The following TMEFF2 variants were observed in gnomAD, a reference collection of about 807,000 sequenced individuals.
The protein encoded by TMEFF2 is tomoregulin-2.
In TMEFF2, 28 loss-of-function variants were observed where a neutral mutation model predicts 53.8. The observed-to-expected ratio is 0.52, with a 90% CI of 0.39 to 0.71. The LOEUF is 0.71. Among genes scored for constraint, TMEFF2 ranks in the 30% least tolerant of loss-of-function variants. The pLI, the probability that TMEFF2 is intolerant of heterozygous loss-of-function variation, is 0.00. For synonymous variants in TMEFF2, 162 were observed against 166.3 expected, an observed-to-expected ratio of 0.97 and a Z score of 0.20; for missense variants, 353 against 455.2, an observed-to-expected ratio of 0.78 and a Z score of 2.04.
chr2:192,114,467 G>GA (rs112084685), intron 4 of TMEFF2, among the ~76,000 whole-genome samples: 2 of 149,438 alleles, frequency 1.3e-5, no homozygotes, highest in Admixed American at 1.3e-4. Context: ...CCAAGGAAAA[G>GA]AAAAAAAAAG....
At chr2:192,056,887 G>T (rs966171503) in intron 5 of TMEFF2, among the ~76,000 whole-genome samples, 7 of 152,112 alleles carry the variant, frequency 4.6e-5, no homozygotes, top group Non-Finnish European at 1.0e-4. Flanking sequence ...AAGAGAAAGT[G>T]AGCTCTTATC....
chr2:192,144,835 CTT>C (rs1304266779), intron 4 of TMEFF2, among the ~76,000 whole-genome samples: 1 of 151,928 alleles, frequency 6.6e-6, no homozygotes, highest in African/African-American at 2.4e-5. Flanking sequence ...TCATATCTAA[CTT>C]GACTTAGTAG....
At chr2:192,035,783 G>C (rs1687276130) in intron 5 of TMEFF2, among the ~76,000 whole-genome samples, 1 of 152,044 alleles carries the variant, frequency 6.6e-6, no homozygotes, top group Admixed American at 6.6e-5. Flanking sequence ...CATTCTACTT[G>C]GTTCTGCCTT....
intron 7 of TMEFF2, among the ~76,000 whole-genome samples, chr2:191,980,868 T>C (rs1685837285): frequency 6.6e-6 from 1 of 152,180 alleles, no homozygotes; most frequent in Non-Finnish European, 1.5e-5. Context: ...ACCTTCGTAT[T>C]TTTCCTGACT....
intron 4 of TMEFF2, among the ~76,000 whole-genome samples, chr2:192,084,968 A>G (rs1272765810): frequency 6.6e-6 from 1 of 152,170 alleles, no homozygotes; most frequent in Non-Finnish European, 1.5e-5. Context: ...TTCTTTAAAT[A>G]TTTTAAACTG....
chr2:192,162,395 T>C (rs1015206197), intron 4 of TMEFF2, among the ~76,000 whole-genome samples: 4 of 152,164 alleles, frequency 2.6e-5, no homozygotes, highest in African/African-American at 4.8e-5. Flanking sequence ...TCTGAAAACA[T>C]CAACCACAGC....
intron 4 of TMEFF2, among the ~76,000 whole-genome samples, chr2:192,059,479 A>C (rs1028237470): frequency 2.6e-5 from 4 of 152,166 alleles, no homozygotes; most frequent in African/African-American, 9.6e-5. Context: ...TTATTAATGC[A>C]ACACAGAAGC....
intron 7 of TMEFF2, among the ~76,000 whole-genome samples, chr2:191,997,044 G>C (rs1686239769): frequency 6.6e-6 from 1 of 151,928 alleles, no homozygotes; most frequent in African/African-American, 2.4e-5. Context: ...GCTGTGAGAA[G>C]TTCTGGGTAG....
chr2:192,007,421 G>A (rs1353836447), intron 5 of TMEFF2, among the ~76,000 whole-genome samples: 1 of 152,176 alleles, frequency 6.6e-6, no homozygotes, highest in Non-Finnish European at 1.5e-5. Context: ...CATAAGATAG[G>A]GAGGAGGAGG....
intron 4 of TMEFF2, among the ~76,000 whole-genome samples, chr2:192,118,271 C>T (rs1689464570): frequency 6.6e-6 from 1 of 152,004 alleles, no homozygotes; most frequent in African/African-American, 2.4e-5. Context: ...GTGTTTGATC[C>T]TCTTCAATTG....
At position 192,103,875 on chromosome 2, in the gene TMEFF2, C is replaced by T. The variant is rs148636120; in HGVS notation, c.440-46100G>A. Among the ~76,000 whole-genome samples, 62 of 151,446 alleles carry T rather than the reference C, an allele frequency of 4.1e-4. No homozygotes were observed. The South Asian group carries it at 9.2e-3, about 23-fold the overall frequency. ...AGAGGGAAAAAGAAAGATAGTGCTA[C>T]GAGATAAAATCAGAGGAATAGCAGC... On this transcript the variant is annotated intron_variant, in intron 4 of 9. Coordinates refer to ENST00000272771, the MANE Select transcript of TMEFF2 (RefSeq NM_016192.4).
chr2:192,159,674 CT>C (rs2106009792), intron 4 of TMEFF2, among the ~76,000 whole-genome samples: 1 of 152,250 alleles, frequency 6.6e-6, no homozygotes, highest in South Asian at 2.1e-4. Context: ...GCTTGTTAAT[CT>C]ATTTCAAGGA....
intron 5 of TMEFF2, among the ~76,000 whole-genome samples, chr2:192,049,393 A>C (rs1309520379): frequency 6.6e-6 from 1 of 152,194 alleles, no homozygotes; most frequent in Non-Finnish European, 1.5e-5. Context: ...TGAGGATTAA[A>C]TGGCTCTATA....
chr2:191,968,353 T>C (rs1692527529), intron 7 of TMEFF2, among the ~76,000 whole-genome samples: 1 of 152,068 alleles, frequency 6.6e-6, no homozygotes, highest in Non-Finnish European at 1.5e-5. Flanking sequence ...AGGAAAACAA[T>C]TGGAGGCAAA....
chr2:192,011,797 A>G (rs1343760073), intron 5 of TMEFF2, among the ~76,000 whole-genome samples: 1 of 152,216 alleles, frequency 6.6e-6, no homozygotes, highest in African/African-American at 2.4e-5. Context: ...ATCTTTACCC[A>G]GTCTAGTCAT....
At position 191,970,493 on chromosome 2, in the gene TMEFF2, GAGATGTGCCACTAAAACC is replaced by G. The variant is rs1692604894; in HGVS notation, c.746-14133_746-14116del. Among the ~76,000 whole-genome samples the G allele has an allele frequency of 2.0e-5, 3 of 151,994 alleles. No individual in the cohort carries two copies. The South Asian group carries it at 6.2e-4, about 32-fold the overall frequency. The stretch of plus-strand genomic sequence containing the variant: ...CATATGAAAATGGCAGCAGACATTG[GAGATGTGCCACTAAAACC>G]AAAACATGCAGGAGCCACCAAAAGC... On this transcript the variant is annotated intron_variant, in intron 7 of 9. Coordinates refer to ENST00000272771, the MANE Select transcript of TMEFF2 (RefSeq NM_016192.4).
intron 7 of TMEFF2, among the ~76,000 whole-genome samples, chr2:191,964,774 A>T (rs368652707): frequency 1.3e-5 from 2 of 152,058 alleles, no homozygotes; most frequent in South Asian, 4.1e-4. Flanking sequence ...CTTCAGAGAA[A>T]CTATTATGAC....
chr2:192,113,474 T>C (rs1035241717), intron 4 of TMEFF2, among the ~76,000 whole-genome samples: 4 of 152,182 alleles, frequency 2.6e-5, no homozygotes, highest in Admixed American at 6.6e-5. Context: ...AGTAAATAGA[T>C]AGATAGATTA....
At position 192,102,626 on chromosome 2, in the gene TMEFF2, C is replaced by CTTTT. The variant is rs10635775; in HGVS notation, c.440-44855_440-44852dup. Among the ~76,000 whole-genome samples the CTTTT allele has an allele frequency of 1.2e-3, 135 of 109,798 alleles. 1 individual carries two copies. Among genetic ancestry groups the CTTTT allele is most frequent in the East Asian group, 1.6e-3 (6 of 3,650 alleles). 72.0% of individuals were successfully genotyped at this position (109,798 alleles called of 152,430 possible). On this transcript the variant is annotated intron_variant, in intron 4 of 9. Transcript: ENST00000272771. ...TCAATAATTTCTTTCTTTTCTTGTTCTTTTTTTTTTTTTTTTTTTTGAGAT... is the reference window on the plus strand; with the variant it reads ...TCAATAATTTCTTTCTTTTCTTGTTCTTTTTTTTTTTTTTTTTTTTTTTTGAGAT...
Sources: gnomAD v4.1 joint callset for allele counts (sites outside exome capture counted in the v4.1 genomes callset) on GRCh38, gnomAD v4.1.1 for gene constraint, MANE v1.5 for transcripts, NCBI Gene and HGNC (gene_info 2026-07-23, HGNC 2026-07-21) for gene names.